Variants in IL1RAPL1 observed in about 807,000 individuals in gnomAD.
The protein encoded by IL1RAPL1 is interleukin 1 receptor accessory protein like 1, also known as interleukin-1 receptor accessory protein-like 1.
IL1RAPL1 carries 3 observed loss-of-function variants against 48.4 expected under a neutral mutation model. The ratio of observed to expected loss-of-function variants is 0.06; its 90% CI spans 0.03 to 0.16. The LOEUF (loss-of-function observed/expected upper bound fraction) is 0.16. Among genes scored for constraint, IL1RAPL1 ranks in the 10% least tolerant of loss-of-function variants. The pLI, the probability that IL1RAPL1 is intolerant of heterozygous loss-of-function variation, is 1.00. For missense variants in IL1RAPL1, 349 were observed against 530.6 expected (o/e 0.66, Z 3.36); for synonymous variants, 185 against 187.7 (o/e 0.99, Z 0.12).
chrX:29,718,987 C>A (rs993870219), intron 6 of IL1RAPL1, among the ~76,000 whole-genome samples: 3 of 112,022 alleles, frequency 2.7e-5, no homozygotes, highest in Non-Finnish European at 5.6e-5. Flanking sequence ...AAGTTAGTAA[C>A]CCTTCGGAAG....
At chrX:29,740,275 A>T (rs2147135035) in intron 6 of IL1RAPL1, among the ~76,000 whole-genome samples, 1 of 111,483 alleles carries the variant, frequency 9.0e-6, no homozygotes, top group East Asian at 2.8e-4. Flanking sequence ...TCAGAACTTA[A>T]TATTTCACTT....
chrX:28,655,993 A>G (rs1934743841), intron 1 of IL1RAPL1, among the ~76,000 whole-genome samples: 1 of 111,991 alleles, frequency 8.9e-6, no homozygotes, highest in Non-Finnish European at 1.9e-5. Flanking sequence ...TTATTATATT[A>G]CATCATGTAA....
chrX:29,047,382 T>C (rs1926995051), intron 2 of IL1RAPL1, among the ~76,000 whole-genome samples: 1 of 112,143 alleles, frequency 8.9e-6, no homozygotes, highest in Non-Finnish European at 1.9e-5. Context: ...ATGTGTCTTG[T>C]ACTTATGGCT....
intron 5 of IL1RAPL1, among the ~76,000 whole-genome samples, chrX:29,618,200 A>C (rs1924349035): frequency 8.9e-6 from 1 of 112,352 alleles, no homozygotes; most frequent in Admixed American, 9.4e-5. Context: ...TAGGATTTTA[A>C]TATTAGATAC....
intron 6 of IL1RAPL1, among the ~76,000 whole-genome samples, chrX:29,834,072 A>G (rs1377322255): frequency 1.8e-5 from 2 of 112,043 alleles, no homozygotes; most frequent in Non-Finnish European, 3.8e-5. Flanking sequence ...CCATAGAAAA[A>G]TCTTTATTTC....
At chrX:29,207,296 G>A (rs757738499) in intron 2 of IL1RAPL1, among the ~76,000 whole-genome samples, 14 of 111,686 alleles carry the variant, frequency 1.3e-4, no homozygotes, top group Non-Finnish European at 2.6e-4. Flanking sequence ...AATTATCTGC[G>A]AAAAGAACAA....
intron 1 of IL1RAPL1, among the ~76,000 whole-genome samples, chrX:28,763,116 G>T (rs1443490549): frequency 9.0e-6 from 1 of 110,935 alleles, no homozygotes. Flanking sequence ...GACCTCTGTT[G>T]GATATTTGGG....
chrX:29,274,728 T>C (rs1381727688), intron 2 of IL1RAPL1, among the ~76,000 whole-genome samples: 1 of 111,771 alleles, frequency 8.9e-6, no homozygotes, highest in Non-Finnish European at 1.9e-5. Flanking sequence ...AGAAAATGTG[T>C]AGTAAGCTAA....
chrX:29,009,971 C>T (rs1373360629), intron 2 of IL1RAPL1, among the ~76,000 whole-genome samples: 1 of 111,272 alleles, frequency 9.0e-6, no homozygotes, highest in Admixed American at 9.6e-5. Context: ...GATATTTTAC[C>T]TCCTTGGTTA....
At chrX:29,100,117 C>T (rs1928303244) in intron 2 of IL1RAPL1, among the ~76,000 whole-genome samples, 2 of 110,978 alleles carry the variant, frequency 1.8e-5, no homozygotes, top group South Asian at 7.7e-4. Flanking sequence ...GAGGCTGAGG[C>T]AGGAGAATCA....
chrX:29,547,085 A>AT (rs1241403220), intron 5 of IL1RAPL1, among the ~76,000 whole-genome samples: 2 of 111,959 alleles, frequency 1.8e-5, no homozygotes, highest in Non-Finnish European at 3.8e-5. Context: ...AAAAGTCAGC[A>AT]TTTGCCCTTT....
At chrX:29,932,801 A>G (rs1027814660) in intron 8 of IL1RAPL1, among the ~76,000 whole-genome samples, 1 of 112,050 alleles carries the variant, frequency 8.9e-6, no homozygotes, top group Non-Finnish European at 1.9e-5. Flanking sequence ...ATCTGCTTAC[A>G]TGTCTGACTC....
chrX:29,349,157 AATGAT>A (rs1050992212), intron 3 of IL1RAPL1, among the ~76,000 whole-genome samples: 7 of 112,522 alleles, frequency 6.2e-5, no homozygotes, highest in African/African-American at 2.3e-4. Context: ...ACTGGACAAA[AATGAT>A]ATGATCTAAT....
chrX:29,634,232 G>T (rs1924891557), intron 5 of IL1RAPL1, among the ~76,000 whole-genome samples: 1 of 111,558 alleles, frequency 9.0e-6, no homozygotes, highest in African/African-American at 3.3e-5. Flanking sequence ...GTAAAGGCTG[G>T]GGCTTAACAT....
In IL1RAPL1 at chrX:29,282,923, C is replaced by T. The variant is rs1296350913; in HGVS notation, c.83-15C>T. The T allele has an allele frequency of 8.3e-7, 1 of 1,207,549 alleles. No homozygotes were observed. Among genetic ancestry groups the T allele is most frequent in the African/African-American group, 1.8e-5 (1 of 57,089 alleles). On this transcript the variant is annotated splice_polypyrimidine_tract_variant and intron_variant, in intron 2 of 10. Coordinates refer to ENST00000378993, the MANE Select transcript of IL1RAPL1 (RefSeq NM_014271.4). ...ATGTTTTTCCTCTCTTTCTCTGTCT[C>T]TTTTTTTACGATAGCCGATGGATGC...
At chrX:29,940,368 C>T (rs1006965171) in intron 8 of IL1RAPL1, among the ~76,000 whole-genome samples, 3 of 111,586 alleles carry the variant, frequency 2.7e-5, no homozygotes, top group Admixed American at 9.5e-5. Context: ...CCAGCAAAAC[C>T]GTGGATCATT....
At chrX:29,458,783 G>A (rs1278879380) in intron 5 of IL1RAPL1, among the ~76,000 whole-genome samples, 7 of 109,005 alleles carry the variant, frequency 6.4e-5, no homozygotes, top group African/African-American at 1.7e-4. Context: ...TGAACTCCTG[G>A]GCTCAAGTGA....
In IL1RAPL1 at chrX:29,780,419, A is replaced by C. The variant is rs112445078; in HGVS notation, c.778+111915A>C. On this transcript the variant is annotated intron_variant, in intron 6 of 10. Transcript: ENST00000378993. ...GACCACAAATATCCATGGGAGCTTA[A>C]TAGAACTTTTTGGATTTTCATGGGA... 7.3e-3 allele frequency among the ~76,000 whole-genome samples: 820 copies of C among 111,783 alleles called. 6 individuals carry two copies. The highest frequency in any genetic ancestry group is 0.012 in the Admixed American group (122 of 10,507).
intron 2 of IL1RAPL1, among the ~76,000 whole-genome samples, chrX:29,174,396 C>T (rs1295262258): frequency 1.8e-5 from 2 of 111,637 alleles, no homozygotes; most frequent in East Asian, 2.8e-4. Flanking sequence ...TGCCGTGACT[C>T]GGAGCCATAA....
Sources: allele counts gnomAD v4.1 joint callset (sites outside exome capture counted in the v4.1 genomes callset), GRCh38; gene constraint gnomAD v4.1.1; transcripts MANE v1.5; gene names NCBI Gene and HGNC (gene_info 2026-07-23, HGNC 2026-07-21).